The following LHFPL3 variants were observed in gnomAD, a reference collection of about 807,000 sequenced individuals.
LHFPL3 encodes LHFPL tetraspan subfamily member 3, also known as LHFPL tetraspan subfamily member 3 protein.
LHFPL3 carries 5 observed loss-of-function variants against 19.3 expected under a neutral mutation model. The ratio of observed to expected loss-of-function variants is 0.26; its 90% CI spans 0.14 to 0.54. The LOEUF (loss-of-function observed/expected upper bound fraction) is 0.54, where lower values mean the gene tolerates loss of function less well. LHFPL3 is among the 20% of genes least tolerant of loss of function. The probability of loss-of-function intolerance (pLI) is 0.94; values close to 1 mark genes in which losing one functional copy is unlikely to be tolerated. For missense variants in LHFPL3, 249 were observed against 307.4 expected (o/e 0.81, Z 1.42); for synonymous variants, 133 against 126.2 (o/e 1.05, Z -0.36).
At chr7:104,523,105 T>TACAC (rs1359004853) in intron 1 of LHFPL3, among the ~76,000 whole-genome samples, 1 of 151,796 alleles carries the variant, frequency 6.6e-6, no homozygotes, top group Non-Finnish European at 1.5e-5. Context: ...TATACAGACA[T>TACAC]ATGTGTATTT....
chr7:104,651,028 G>A (rs1792023933), intron 1 of LHFPL3, among the ~76,000 whole-genome samples: 1 of 152,198 alleles, frequency 6.6e-6, no homozygotes, highest in Non-Finnish European at 1.5e-5. Context: ...GGTCACCTCG[G>A]AGTACAGCAG....
chr7:104,748,819 T>C (rs931139906), intron 2 of LHFPL3, among the ~76,000 whole-genome samples: 1 of 152,218 alleles, frequency 6.6e-6, no homozygotes, highest in Non-Finnish European at 1.5e-5. Flanking sequence ...TGTGTCTTTT[T>C]CTTTCCTAAG....
At chr7:104,810,753 T>C (rs184454407) in intron 2 of LHFPL3, among the ~76,000 whole-genome samples, 1 of 152,312 alleles carries the variant, frequency 6.6e-6, no homozygotes, top group East Asian at 1.9e-4. Flanking sequence ...TTGGAATATA[T>C]TGAAGCTGGA....
intron 2 of LHFPL3, among the ~76,000 whole-genome samples, chr7:104,759,151 T>C (rs1301125957): frequency 6.6e-6 from 1 of 152,276 alleles, no homozygotes; most frequent in East Asian, 1.9e-4. Context: ...AACTCCCATT[T>C]CCTGAACGCT....
intron 1 of LHFPL3, among the ~76,000 whole-genome samples, chr7:104,571,901 A>G (rs1790237371): frequency 6.6e-6 from 1 of 152,172 alleles, no homozygotes; most frequent in South Asian, 2.1e-4. Flanking sequence ...TCTAAACTTT[A>G]TGTAAACACA....
At chr7:104,337,992 G>A (rs562485524) in intron 1 of LHFPL3, among the ~76,000 whole-genome samples, 39 of 150,908 alleles carry the variant, frequency 2.6e-4, no homozygotes, top group Admixed American at 1.3e-3. Context: ...CATGATATCA[G>A]TTCGTAGATA....
chr7:104,892,368 A>C (rs1234110364), intron 2 of LHFPL3, among the ~76,000 whole-genome samples: 3 of 152,212 alleles, frequency 2.0e-5, no homozygotes. Flanking sequence ...CACTGTAAAA[A>C]TAAAAACAGA....
At chr7:104,482,482 C>A (rs1047723574) in intron 1 of LHFPL3, among the ~76,000 whole-genome samples, 1 of 152,182 alleles carries the variant, frequency 6.6e-6, no homozygotes, top group African/African-American at 2.4e-5. Context: ...GGTGTTCCAC[C>A]AGTGGTGTAG....
At chr7:104,782,393 G>A (rs1789823751) in intron 2 of LHFPL3, among the ~76,000 whole-genome samples, 1 of 152,168 alleles carries the variant, frequency 6.6e-6, no homozygotes, top group Non-Finnish European at 1.5e-5. Context: ...CTATTCATAA[G>A]CTCATCCGGA....
chr7:104,409,640 GAA>G (rs774536907), intron 1 of LHFPL3, among the ~76,000 whole-genome samples: 25 of 151,818 alleles, frequency 1.6e-4, no homozygotes, highest in Non-Finnish European at 2.1e-4. Flanking sequence ...ATAAATAAAA[GAA>G]AAATCTTGGA....
chr7:104,603,101 T>C (rs1355455624), intron 1 of LHFPL3, among the ~76,000 whole-genome samples: 1 of 139,834 alleles, frequency 7.2e-6, no homozygotes, highest in Non-Finnish European at 1.5e-5. Flanking sequence ...TTTCTTTCTT[T>C]CTTTCTTTCT....
At chr7:104,601,184 G>A (rs960321256) in intron 1 of LHFPL3, among the ~76,000 whole-genome samples, 16 of 152,110 alleles carry the variant, frequency 1.1e-4, no homozygotes, top group Non-Finnish European at 1.9e-4. Context: ...TGGTTCTTCT[G>A]GGATATACAT....
intron 1 of LHFPL3, among the ~76,000 whole-genome samples, chr7:104,585,480 A>AACACACACACACACACACAC (rs57028058): frequency 0.014 from 1,748 of 123,248 alleles, 84 homozygotes; most frequent in South Asian, 0.026. Context: ...AACACACACA[A>AACACACACACACACACACAC]ACACACACAC....
chr7:104,751,058 T>G (rs959783736), intron 2 of LHFPL3, among the ~76,000 whole-genome samples: 34 of 138,536 alleles, frequency 2.5e-4, no homozygotes, highest in African/African-American at 9.2e-4. Context: ...TTCCTCCAAA[T>G]GTTCTAACTT....
chr7:104,536,072 G>C (rs1794383584), intron 1 of LHFPL3, among the ~76,000 whole-genome samples: 1 of 152,210 alleles, frequency 6.6e-6, no homozygotes. Context: ...TGCATCTGTA[G>C]CTGTAGCTGC....
intron 2 of LHFPL3, chr7:104,738,945 T>A (rs564650272): frequency 4.6e-5 from 7 of 152,346 alleles, no homozygotes; most frequent in African/African-American, 1.7e-4. Flanking sequence ...CGTAGTTTCT[T>A]CCATCTTGTT....
At chr7:104,532,887 G>A (rs758851089) in intron 1 of LHFPL3, among the ~76,000 whole-genome samples, 1 of 152,158 alleles carries the variant, frequency 6.6e-6, no homozygotes, top group Non-Finnish European at 1.5e-5. Context: ...CTTATGAGTT[G>A]AGTAATTTAT....
chr7:104,544,476 T>A (rs1456444901), intron 1 of LHFPL3, among the ~76,000 whole-genome samples: 1 of 152,194 alleles, frequency 6.6e-6, no homozygotes, highest in Non-Finnish European at 1.5e-5. Context: ...ATGAGACATC[T>A]GTTGTCCTCT....
At chr7:104,592,341 CA>C (rs1790742032) in intron 1 of LHFPL3, among the ~76,000 whole-genome samples, 1 of 151,872 alleles carries the variant, frequency 6.6e-6, no homozygotes, top group Non-Finnish European at 1.5e-5. Context: ...TTCCTTCTAA[CA>C]GTAAGGACCC....
Sources: gnomAD v4.1 joint callset for allele counts (sites outside exome capture counted in the v4.1 genomes callset) on GRCh38, gnomAD v4.1.1 for gene constraint, MANE v1.5 for transcripts, NCBI Gene and HGNC (gene_info 2026-07-23, HGNC 2026-07-21) for gene names.